The following SOX5 variants were observed in gnomAD, a reference collection of about 807,000 sequenced individuals.
The protein encoded by SOX5 is SRY-box transcription factor 5.
SOX5 carries 9 observed loss-of-function variants against 92.0 expected under a neutral mutation model. The ratio of observed to expected loss-of-function variants is 0.10; its 90% CI spans 0.06 to 0.17. The LOEUF is 0.17. SOX5 is among the 10% of genes least tolerant of loss of function. SOX5 has a pLI of 1.00. For synonymous variants in SOX5, 344 were observed against 336.3 expected (o/e 1.02, Z -0.25); for missense variants, 642 against 944.5 (o/e 0.68, Z 4.20).
chr12:24,372,355 C>A (rs1956824684), intron 1 of SOX5, among the ~76,000 whole-genome samples: 1 of 152,180 alleles, frequency 6.6e-6, no homozygotes, highest in Non-Finnish European at 1.5e-5. Context: ...CACTGTTCAA[C>A]TCCCACTTGT....
In SOX5 at chr12:24,279,685, C is replaced by T. The variant is rs547842447; in HGVS notation, c.-173-2373G>A. Among the ~76,000 whole-genome samples the T allele has an allele frequency of 5.3e-5, 8 of 152,032 alleles. No homozygotes were observed. In the East Asian group the frequency reaches 1.5e-3, roughly 29 times the overall value. ...TAAACAATATCTTAGGTTGTTAAGA[C>T]TCTCAAAATAAATAAATACACTCTG... On this transcript the variant is annotated intron_variant, in intron 2 of 4. Transcript: ENST00000446891.
chr12:23,587,201 T>G (rs1200788587), intron 9 of SOX5, among the ~76,000 whole-genome samples: 1 of 152,066 alleles, frequency 6.6e-6, no homozygotes, highest in Non-Finnish European at 1.5e-5. Flanking sequence ...GGGCTGATTT[T>G]CTAATACTAT....
intron 6 of SOX5, among the ~76,000 whole-genome samples, chr12:23,668,247 C>T (rs2084166801): frequency 6.6e-6 from 1 of 152,220 alleles, no homozygotes; most frequent in Middle Eastern, 3.4e-3. Context: ...CAAAAACACA[C>T]ACAAAACAAA....
chr12:24,361,615 G>A (rs1955562449), intron 2 of SOX5, among the ~76,000 whole-genome samples: 2 of 150,976 alleles, frequency 1.3e-5, no homozygotes, highest in South Asian at 4.2e-4. Flanking sequence ...CAGGTTTTGT[G>A]TGTGTGTGTG....
intron 4 of SOX5, among the ~76,000 whole-genome samples, chr12:24,208,338 C>T (rs1477364313): frequency 6.6e-6 from 1 of 152,200 alleles, no homozygotes; most frequent in African/African-American, 2.4e-5. Flanking sequence ...CTCCCCAAGT[C>T]CTGTGGAGTT....
intron 1 of SOX5, among the ~76,000 whole-genome samples, chr12:24,443,054 C>A (rs1394160455): frequency 6.8e-6 from 1 of 146,244 alleles, no homozygotes; most frequent in South Asian, 2.1e-4. Flanking sequence ...TGGATTCAAG[C>A]AATTCTCCTG....
chr12:23,577,191 A>ATATATATATTTT (rs71059907), intron 9 of SOX5, among the ~76,000 whole-genome samples: 19 of 61,398 alleles, frequency 3.1e-4, no homozygotes, highest in Non-Finnish European at 5.1e-4. Context: ...ATATATATAT[A>ATATATATATTTT]TTTTTTTTTT....
intron 4 of SOX5, among the ~76,000 whole-genome samples, chr12:24,108,637 T>A (rs906622886): frequency 6.6e-6 from 1 of 152,172 alleles, no homozygotes; most frequent in Non-Finnish European, 1.5e-5. Context: ...GGAATAGACA[T>A]TTGTTTTATA....
At chr12:23,785,984 T>G (rs1034020595) in intron 3 of SOX5, among the ~76,000 whole-genome samples, 9 of 152,188 alleles carry the variant, frequency 5.9e-5, no homozygotes, top group African/African-American at 2.2e-4. Flanking sequence ...AAAGTAGAAC[T>G]GTGAAGATTT....
Position 23,789,245 on chromosome 12 carries a change from AC to A in SOX5, c.482-33522del, listed in dbSNP as rs1363922467. Among the ~76,000 whole-genome samples, 213 of 149,726 alleles carry A rather than the reference AC, an allele frequency of 1.4e-3. 1 individual carries two copies. The highest frequency in any genetic ancestry group is 4.8e-3 in the African/African-American group (197 of 40,868). ...CCTTTCTTTGAAATAAAAAAAAAAAACATTAAATTATGTTACCATTTTCAAA... is the reference window on the plus strand; with the variant it reads ...CCTTTCTTTGAAATAAAAAAAAAAAAATTAAATTATGTTACCATTTTCAAA... On this transcript the variant is annotated intron_variant, in intron 3 of 14. Coordinates refer to ENST00000451604, the MANE Select transcript of SOX5 (RefSeq NM_006940.6).
At chr12:24,422,082 T>G (rs1966000325) in intron 1 of SOX5, among the ~76,000 whole-genome samples, 1 of 152,144 alleles carries the variant, frequency 6.6e-6, no homozygotes, top group African/African-American at 2.4e-5. Flanking sequence ...AACCCAAGAA[T>G]AGCAAGGTGC....
At chr12:23,597,861 C>G (rs1316499708) in intron 9 of SOX5, among the ~76,000 whole-genome samples, 2 of 152,090 alleles carry the variant, frequency 1.3e-5, no homozygotes, top group Non-Finnish European at 2.9e-5. Context: ...AGTGATATGC[C>G]AGATACTGTT....
chr12:23,928,899 C>T (rs763079833), intron 1 of SOX5, among the ~76,000 whole-genome samples: 3 of 151,798 alleles, frequency 2.0e-5, no homozygotes, highest in Non-Finnish European at 4.4e-5. Flanking sequence ...TTATTATCCA[C>T]TACTATGTTT....
At chr12:23,882,847 T>G (rs1455206510) in intron 2 of SOX5, among the ~76,000 whole-genome samples, 1 of 152,142 alleles carries the variant, frequency 6.6e-6, no homozygotes, top group Non-Finnish European at 1.5e-5. Flanking sequence ...TTAAACTACC[T>G]TGAAATACTT....
intron 4 of SOX5, among the ~76,000 whole-genome samples, chr12:24,024,025 T>C (rs959541020): frequency 2.6e-5 from 4 of 152,040 alleles, no homozygotes; most frequent in Non-Finnish European, 5.9e-5. Context: ...AGATTTTAAT[T>C]ATGCTGTTAT....
chr12:24,070,680 T>G (rs1172313074), intron 4 of SOX5, among the ~76,000 whole-genome samples: 1 of 152,130 alleles, frequency 6.6e-6, no homozygotes, highest in African/African-American at 2.4e-5. Flanking sequence ...GTTATAAAAA[T>G]GTAATATGGT....
At chr12:24,318,156 C>G (rs2140878268) in intron 2 of SOX5, among the ~76,000 whole-genome samples, 1 of 152,266 alleles carries the variant, frequency 6.6e-6, no homozygotes, top group Non-Finnish European at 1.5e-5. Flanking sequence ...TTGCAGTGAA[C>G]CGAGATCATA....
At chr12:24,166,565 A>C (rs577592859) in intron 4 of SOX5, among the ~76,000 whole-genome samples, 2 of 152,314 alleles carry the variant, frequency 1.3e-5, no homozygotes, top group Admixed American at 6.5e-5. Flanking sequence ...AGTTTTGATG[A>C]GCAATTAACT....
intron 1 of SOX5, among the ~76,000 whole-genome samples, chr12:24,405,255 G>A (rs1343683611): frequency 6.6e-6 from 1 of 152,124 alleles, no homozygotes; most frequent in African/African-American, 2.4e-5. Flanking sequence ...AAATCACATG[G>A]TAAGTTCCAG....
Sources: allele counts gnomAD v4.1 joint callset (sites outside exome capture counted in the v4.1 genomes callset), GRCh38; gene constraint gnomAD v4.1.1; transcripts MANE v1.5; gene names NCBI Gene and HGNC (gene_info 2026-07-23, HGNC 2026-07-21).